Variants in PRDM16 observed in about 807,000 individuals in gnomAD.
The protein encoded by PRDM16 is PR/SET domain 16.
Under a neutral mutation model 110.6 loss-of-function variants are expected in PRDM16, and 23 were observed. That is an observed-to-expected ratio of 0.21 (90% CI 0.15 to 0.29). The LOEUF (loss-of-function observed/expected upper bound fraction) is 0.29. Ranked by LOEUF, PRDM16 falls within the 10% of genes least tolerant of loss-of-function variation. The pLI is 1.00. For synonymous variants in PRDM16, 799 were observed against 781.8 expected (o/e 1.02, Z -0.37); for missense variants, 1,615 against 1,794.3 (o/e 0.90, Z 1.81).
intron 2 of PRDM16, among the ~76,000 whole-genome samples, chr1:3,235,114 C>G (rs1639508482): frequency 6.6e-6 from 1 of 152,332 alleles, no homozygotes; most frequent in Non-Finnish European, 1.5e-5. Context: ...CAGCCAGAGC[C>G]CCCTACCGAG....
intron 3 of PRDM16, among the ~76,000 whole-genome samples, chr1:3,331,974 A>G (rs528029351): frequency 7.3e-4 from 111 of 152,292 alleles, no homozygotes; most frequent in African/African-American, 2.6e-3. Flanking sequence ...ATGCCCCTAA[A>G]ACATAGACTC....
At chr1:3,289,952 T>C (rs1053016941) in intron 3 of PRDM16, among the ~76,000 whole-genome samples, 2 of 147,938 alleles carry the variant, frequency 1.4e-5, no homozygotes, top group African/African-American at 5.0e-5. Flanking sequence ...CAGACCTCAA[T>C]CCCTCCAGGG....
At chr1:3,414,788 G>A in intron 10 of PRDM16, 141 bp downstream of exon 10, 1 of 662,450 alleles carries the variant, frequency 1.5e-6, no homozygotes, top group Non-Finnish European at 2.7e-6. Flanking sequence ...CAAAGGCAGA[G>A]GAGGATTCTC....
chr1:3,373,332 A>G (rs530141897), intron 3 of PRDM16, among the ~76,000 whole-genome samples: 15 of 151,994 alleles, frequency 9.9e-5, no homozygotes, highest in African/African-American at 3.4e-4. Context: ...CTGGAGAGAC[A>G]GTGAGAGCCC....
intron 3 of PRDM16, among the ~76,000 whole-genome samples, chr1:3,315,173 T>G: frequency 6.9e-6 from 1 of 145,832 alleles, no homozygotes; most frequent in African/African-American, 2.7e-5. Context: ...CTCCCCCTGC[T>G]TCCCTCCCAC....
At chr1:3,227,729 C>G (rs1454085288) in intron 2 of PRDM16, among the ~76,000 whole-genome samples, 1 of 152,204 alleles carries the variant, frequency 6.6e-6, no homozygotes, top group African/African-American at 2.4e-5. Context: ...CAGCCCTAAC[C>G]CTTTAGCTCC....
At position 3,096,657 on chromosome 1, in the gene PRDM16, C is replaced by G. The variant is rs150391437; in HGVS notation, c.37+27361C>G. On this transcript the variant is annotated intron_variant, in intron 1 of 16. Coordinates refer to ENST00000270722, the MANE Select transcript of PRDM16 (RefSeq NM_022114.4). ...GGACGCCAGGGACTCCCTCTCCTGC[C>G]CCTGGACCAGCGAGGAAGACGGCCC... is the stretch of plus-strand genomic sequence containing the variant. Among the ~76,000 whole-genome samples, 25 of 152,284 alleles carry G rather than the reference C, an allele frequency of 1.6e-4. No individual in the cohort carries two copies. The East Asian group carries it at 4.8e-3, about 30-fold the overall frequency.
intron 14 of PRDM16, among the ~76,000 whole-genome samples, chr1:3,429,337 C>G (rs149031813): frequency 6.6e-6 from 1 of 152,382 alleles, no homozygotes; most frequent in Admixed American, 6.5e-5. Context: ...GCTCCGCTCC[C>G]CAACACTAAA....
chr1:3,403,140 G>C, intron 6 of PRDM16, 142 bp downstream of exon 6: 1 of 782,108 alleles, frequency 1.3e-6, no homozygotes, highest in Non-Finnish European at 2.1e-6. Context: ...AGGGCCCCCT[G>C]GTGGGACACA....
chr1:3,235,261 C>T (rs1272938667), intron 2 of PRDM16, among the ~76,000 whole-genome samples: 1 of 152,234 alleles, frequency 6.6e-6, no homozygotes, highest in African/African-American at 2.4e-5. Context: ...ACTTTCTCCT[C>T]ATTTCCAGGG....
chr1:3,268,744 G>A (rs936833548), intron 3 of PRDM16, among the ~76,000 whole-genome samples: 11 of 152,230 alleles, frequency 7.2e-5, no homozygotes, highest in Non-Finnish European at 1.2e-4. Flanking sequence ...CAGCCTCAGA[G>A]TCCATTGGGG....
At chr1:3,163,558 G>C (rs187725183) in intron 1 of PRDM16, among the ~76,000 whole-genome samples, 5 of 152,316 alleles carry the variant, frequency 3.3e-5, no homozygotes, top group Admixed American at 3.3e-4. Context: ...GGGTACCCCA[G>C]CCTGAGTGGC....
chr1:3,417,266 G>A (rs918164294), intron 10 of PRDM16, among the ~76,000 whole-genome samples: 14 of 152,222 alleles, frequency 9.2e-5, no homozygotes, highest in African/African-American at 3.4e-4. Context: ...GAATTCCTTA[G>A]TACTTTGCCT....
chr1:3,166,504 C>T (rs746081006), intron 1 of PRDM16, among the ~76,000 whole-genome samples: 2 of 152,256 alleles, frequency 1.3e-5, no homozygotes, highest in Non-Finnish European at 1.5e-5. Flanking sequence ...TGGCGGCTCC[C>T]TTTAAATGAG....
intron 3 of PRDM16, among the ~76,000 whole-genome samples, chr1:3,333,474 C>T (rs1642083754): frequency 6.6e-6 from 1 of 152,158 alleles, no homozygotes; most frequent in African/African-American, 2.4e-5. Context: ...CCCTAGCTTT[C>T]CAGCTCATGT....
chr1:3,185,856 G>T (rs1443407721), intron 1 of PRDM16, among the ~76,000 whole-genome samples: 1 of 152,222 alleles, frequency 6.6e-6, no homozygotes, highest in East Asian at 1.9e-4. Context: ...GTGAGCCAGG[G>T]TGTGTCGGGC....
chr1:3,250,448 T>C (rs1290511719), intron 3 of PRDM16, among the ~76,000 whole-genome samples: 1 of 152,058 alleles, frequency 6.6e-6, no homozygotes, highest in Admixed American at 6.5e-5. Flanking sequence ...ACTTTATCAA[T>C]GTAACCCTTT....
rs536233693 is a variant in PRDM16, at chr1:3,265,406, A to C, written c.438+21269A>C. Among the ~76,000 whole-genome samples, 157 of 151,998 alleles carry C rather than the reference A, an allele frequency of 1.0e-3. No individual in the cohort carries two copies. Among genetic ancestry groups the C allele is most frequent in the African/African-American group, 3.7e-3 (153 of 41,460 alleles). The stretch of plus-strand genomic sequence containing the variant: ...GACGGGCCTGAGACTGATGATGTGA[A>C]GGGCCTAGTAGGGGCTGAGGTCCTG... On this transcript the variant is annotated intron_variant, in intron 3 of 16. Coordinates refer to ENST00000270722, the MANE Select transcript of PRDM16 (RefSeq NM_022114.4). The surrounding 1 kb of genome is among the most constrained non-coding windows in gnomAD (Gnocchi z 4.5).
intron 3 of PRDM16, among the ~76,000 whole-genome samples, chr1:3,348,164 G>A (rs1270803867): frequency 6.6e-6 from 1 of 152,184 alleles, no homozygotes. Context: ...CCAGCCTGGG[G>A]GGTCTGGCCC....
Sources: gnomAD v4.1 joint callset for allele counts (sites outside exome capture counted in the v4.1 genomes callset) on GRCh38, gnomAD v4.1.1 for gene constraint, Gnocchi (gnomAD v3.1) non-coding constraint, MANE v1.5 for transcripts, NCBI Gene and HGNC (gene_info 2026-07-23, HGNC 2026-07-21) for gene names.